The following CSMD1 variants were observed in gnomAD, a reference collection of about 807,000 sequenced individuals.
CSMD1 encodes CUB and sushi domain-containing protein 1.
A neutral mutation model predicts 417.5 loss-of-function variants in CSMD1; 213 were observed. That is an observed-to-expected ratio of 0.51 (90% CI 0.46 to 0.57). CSMD1 has a LOEUF of 0.57. Ranked by LOEUF, CSMD1 falls within the 20% of genes least tolerant of loss-of-function variation. The pLI is 0.00. For synonymous variants in CSMD1, 2,862 were observed against 1,736.8 expected (o/e 1.65, Z -16.11); for missense variants, 6,923 against 4,529.7 (o/e 1.53, Z -15.17).
At chr8:4,458,551 C>T (rs531741704) in intron 2 of CSMD1, among the ~76,000 whole-genome samples, 5 of 152,030 alleles carry the variant, frequency 3.3e-5, no homozygotes, top group African/African-American at 4.8e-5. Context: ...TTAATGTTAA[C>T]TGTTACTCTT....
chr8:4,840,903 A>C (rs1317035135), intron 1 of CSMD1, among the ~76,000 whole-genome samples: 1 of 152,234 alleles, frequency 6.6e-6, no homozygotes, highest in Non-Finnish European at 1.5e-5. Context: ...GTCTCAATCA[A>C]CACCACTACT....
intron 48 of CSMD1, among the ~76,000 whole-genome samples, chr8:3,088,100 C>A: frequency 6.6e-6 from 1 of 152,156 alleles, no homozygotes; most frequent in Non-Finnish European, 1.5e-5. Flanking sequence ...TACAATCTCA[C>A]AATAGCTTTA....
chr8:3,449,326 C>G (rs79548011), intron 12 of CSMD1, among the ~76,000 whole-genome samples: 1 of 152,162 alleles, frequency 6.6e-6, no homozygotes, highest in South Asian at 2.1e-4. Flanking sequence ...CAAATCAGCA[C>G]AAACTCAATA....
intron 5 of CSMD1, among the ~76,000 whole-genome samples, chr8:3,815,176 A>G (rs1035225461): frequency 9.2e-5 from 14 of 152,172 alleles, no homozygotes; most frequent in African/African-American, 2.7e-4. Flanking sequence ...TTAAGTTTCT[A>G]TAGTCCCAGG....
At chr8:4,179,744 C>G (rs1342089099) in intron 3 of CSMD1, among the ~76,000 whole-genome samples, 1 of 17,282 alleles carries the variant, frequency 5.8e-5, no homozygotes, top group Non-Finnish European at 1.0e-4. Context: ...AAAAAACAAA[C>G]AACCCCATCA....
intron 5 of CSMD1, among the ~76,000 whole-genome samples, chr8:3,937,751 T>C (rs1810605483): frequency 6.6e-6 from 1 of 152,150 alleles, no homozygotes; most frequent in African/African-American, 2.4e-5. Context: ...ATATTACTGA[T>C]TAAGATGTAA....
chr8:3,914,113 C>G (rs771004774), intron 5 of CSMD1, among the ~76,000 whole-genome samples: 1 of 152,050 alleles, frequency 6.6e-6, no homozygotes, highest in East Asian at 1.9e-4. Context: ...TTGTCTTCAG[C>G]GTTAGAATTT....
chr8:4,569,901 G>A (rs190009078), intron 2 of CSMD1, among the ~76,000 whole-genome samples: 3 of 152,238 alleles, frequency 2.0e-5, no homozygotes, highest in Non-Finnish European at 2.9e-5. Context: ...TCTCTTTGTA[G>A]CAATTGTGAG....
At chr8:2,991,779 G>A (rs1806409071) in intron 54 of CSMD1, among the ~76,000 whole-genome samples, 1 of 152,188 alleles carries the variant, frequency 6.6e-6, no homozygotes, top group Non-Finnish European at 1.5e-5. Context: ...GTCTATGGCT[G>A]TATTTCCCAT....
chr8:4,200,241 C>T (rs1482413244), intron 3 of CSMD1, among the ~76,000 whole-genome samples: 4 of 152,090 alleles, frequency 2.6e-5, no homozygotes, highest in Non-Finnish European at 4.4e-5. Flanking sequence ...AAAACAATTC[C>T]TCTATTCAAT....
chr8:4,247,601 C>T (rs1454199972), intron 3 of CSMD1, among the ~76,000 whole-genome samples: 3 of 152,142 alleles, frequency 2.0e-5, no homozygotes, highest in Non-Finnish European at 4.4e-5. Flanking sequence ...CCCTGCATTA[C>T]ATAATTACAA....
Position 3,865,753 on chromosome 8 carries a change from T to G in CSMD1, c.819-111711A>C, listed in dbSNP as rs529953399. Among the ~76,000 whole-genome samples the G allele has an allele frequency of 1.1e-4, 16 of 152,302 alleles. No homozygotes were observed. The East Asian group carries it at 3.1e-3, about 29-fold the overall frequency. On this transcript the variant is annotated intron_variant, in intron 5 of 69. Transcript: ENST00000635120. ...CACAGCTTACATGCTAATGGAGTAATGCTATTTGCTAGGTTTCCGTCATAT... is the reference window on the plus strand; with the variant it reads ...CACAGCTTACATGCTAATGGAGTAAGGCTATTTGCTAGGTTTCCGTCATAT...
intron 12 of CSMD1, among the ~76,000 whole-genome samples, chr8:3,456,033 G>A (rs547844261): frequency 1.9e-4 from 29 of 152,184 alleles, no homozygotes; most frequent in South Asian, 4.1e-4. Flanking sequence ...CCCCAGCCTC[G>A]CCGCCGCCTT....
chr8:3,267,531 G>A (rs1452890697), intron 26 of CSMD1, among the ~76,000 whole-genome samples: 1 of 152,184 alleles, frequency 6.6e-6, no homozygotes, highest in Non-Finnish European at 1.5e-5. Context: ...AGAGAATCCA[G>A]GCAGATGCTG....
intron 2 of CSMD1, among the ~76,000 whole-genome samples, chr8:4,496,058 T>G (rs1391210081): frequency 5.9e-5 from 9 of 152,206 alleles, no homozygotes; most frequent in Non-Finnish European, 2.9e-5. Context: ...TTTCTTTTTC[T>G]TTTGTTCCAC....
intron 10 of CSMD1, among the ~76,000 whole-genome samples, chr8:3,515,886 T>G (rs772809417): frequency 6.6e-6 from 1 of 152,184 alleles, no homozygotes; most frequent in African/African-American, 2.4e-5. Flanking sequence ...TCATAGCATA[T>G]CTTGAAATAG....
chr8:3,394,355 C>G (rs534421536), intron 17 of CSMD1, among the ~76,000 whole-genome samples: 1 of 150,448 alleles, frequency 6.6e-6, no homozygotes, highest in Non-Finnish European at 1.5e-5. Context: ...GACTTTTTAT[C>G]ATTTCCTGAT....
At chr8:4,144,097 G>C (rs1048274114) in intron 3 of CSMD1, among the ~76,000 whole-genome samples, 2 of 151,096 alleles carry the variant, frequency 1.3e-5, no homozygotes, top group African/African-American at 2.5e-5. Flanking sequence ...ACTTTAGAAA[G>C]TTTGAGTTAA....
intron 5 of CSMD1, among the ~76,000 whole-genome samples, chr8:3,912,228 A>G (rs543986362): frequency 6.6e-6 from 1 of 152,302 alleles, no homozygotes; most frequent in African/African-American, 2.4e-5. Flanking sequence ...ACATACTTCT[A>G]TAGGGGCATG....
Sources: allele counts gnomAD v4.1 joint callset (sites outside exome capture counted in the v4.1 genomes callset), GRCh38; gene constraint gnomAD v4.1.1; transcripts MANE v1.5; gene names NCBI Gene and HGNC (gene_info 2026-07-23, HGNC 2026-07-21).